ARHGAP20: variants seen among roughly 807,000 people sequenced by gnomAD.
ARHGAP20 encodes the protein rho GTPase-activating protein 20.
ARHGAP20 carries 34 observed loss-of-function variants against 73.7 expected under a neutral mutation model. The ratio of observed to expected loss-of-function variants is 0.46; its 90% CI spans 0.35 to 0.61. The LOEUF is 0.61. Ranked by LOEUF, ARHGAP20 falls within the 20% of genes least tolerant of loss-of-function variation. The pLI, the probability that ARHGAP20 is intolerant of heterozygous loss-of-function variation, is 0.00. For missense variants in ARHGAP20, 1,314 were observed against 1,420.9 expected (o/e 0.92, Z 1.21); for synonymous variants, 523 against 518.2 (o/e 1.01, Z -0.13).
At chr11:110,662,649 T>C (rs1404249390) in intron 2 of ARHGAP20, among the ~76,000 whole-genome samples, 4 of 151,922 alleles carry the variant, frequency 2.6e-5, no homozygotes, top group Non-Finnish European at 5.9e-5. Context: ...ATTTTCAGCA[T>C]AAAAGAAACG....
At chr11:110,674,964 GA>G in intron 2 of ARHGAP20, among the ~76,000 whole-genome samples, 1 of 152,138 alleles carries the variant, frequency 6.6e-6, no homozygotes, top group Non-Finnish European at 1.5e-5. Context: ...TACATGTACA[GA>G]ACGTGCAGTT....
chr11:110,589,835 A>ATTTTACT lies in ARHGAP20; in HGVS notation c.1305+812_1305+813insAGTAAAA, dbSNP rs1947775881. On this transcript the variant is annotated intron_variant, in intron 11 of 14. Transcript: ENST00000683387. The stretch of plus-strand genomic sequence containing the variant: ...TTACTCCACTTTTAAAGTAAAAGGC[A>ATTTTACT]TTAGGCTGGGTGCGGTGGCTCACGC... The ATTTTACT allele has an allele frequency of 1.1e-5, 7 of 611,342 alleles. No individual in the cohort carries two copies. The South Asian group carries it at 4.3e-4, about 38-fold the overall frequency. 37.9% of individuals were successfully genotyped at this position (611,342 alleles called of 1,614,324 possible).
chr11:110,664,665 T>C (rs1949684379), intron 2 of ARHGAP20, among the ~76,000 whole-genome samples: 1 of 149,048 alleles, frequency 6.7e-6, no homozygotes, highest in Non-Finnish European at 1.5e-5. Context: ...GAGGCGGAGC[T>C]TCCAGTGAGC....
rs1018391178 is a variant in ARHGAP20 at position 110,712,275 on chromosome 11, C to A, written c.-44G>T. The A allele has an allele frequency of 1.7e-5, 21 of 1,270,206 alleles. No homozygotes were observed. The African/African-American group carries it at 2.6e-4, about 16-fold the overall frequency. The allele number at this position is 1,270,206 out of a possible 1,614,324, so 78.7% of individuals were successfully genotyped here. On this transcript the variant is annotated 5_prime_UTR_variant, in exon 1 of 15. Coordinates refer to ENST00000683387, the MANE Select transcript of ARHGAP20 (RefSeq NM_001384657.1). Reference sequence around the variant, plus strand: ...AATCCCAGCCCAGGAGGAGGCTACACGATCATGTCCGCGGGCTGCCGGCCG... The same window carrying A: ...AATCCCAGCCCAGGAGGAGGCTACAAGATCATGTCCGCGGGCTGCCGGCCG...
intron 2 of ARHGAP20, among the ~76,000 whole-genome samples, chr11:110,687,618 C>G (rs1950162073): frequency 6.6e-6 from 1 of 152,008 alleles, no homozygotes; most frequent in African/African-American, 2.4e-5. Context: ...TCTATTAAAC[C>G]CAATGACCCT....
At chr11:110,592,510 C>A (rs1272811153) in intron 9 of ARHGAP20, among the ~76,000 whole-genome samples, 1 of 152,004 alleles carries the variant, frequency 6.6e-6, no homozygotes, top group East Asian at 1.9e-4. Flanking sequence ...CATTTATTTT[C>A]CCATTTTAAA....
chr11:110,695,793 C>T (rs941052676), intron 1 of ARHGAP20, among the ~76,000 whole-genome samples: 2 of 151,498 alleles, frequency 1.3e-5, no homozygotes, highest in African/African-American at 4.8e-5. Context: ...AGTTACCATA[C>T]GATCCTGCAA....
chr11:110,602,333 G>A (rs1390297619), intron 9 of ARHGAP20, among the ~76,000 whole-genome samples: 1 of 152,094 alleles, frequency 6.6e-6, no homozygotes, highest in African/African-American at 2.4e-5. Context: ...TGGAACTAAT[G>A]GCAAAGTATT....
chr11:110,609,043 T>C lies in ARHGAP20; in HGVS notation c.716A>G (p.Glu239Gly). 1 of 1,613,286 alleles carries C rather than the reference T, an allele frequency of 6.2e-7. No homozygotes were observed. Among genetic ancestry groups the C allele is most frequent in the Middle Eastern group, 1.7e-4 (1 of 6,058 alleles). ...ATTGACCCACAACTGGTAATCTCTC[T>C]CAGAGCCCTTAGAGATAAAAGAGTT... Reference protein sequence around the residue: ...SLPMLGITGSERDYQLWVNSG... With the variant: ...SLPMLGITGSGRDYQLWVNSG... Residue 239 changes from glutamate (E) to glycine (G), a missense_variant, in exon 8 of 15, where the codon GAG becomes GGG. Transcript: ENST00000683387.
chr11:110,678,593 T>C (rs1201316594), intron 2 of ARHGAP20, among the ~76,000 whole-genome samples: 1 of 152,236 alleles, frequency 6.6e-6, no homozygotes, highest in Non-Finnish European at 1.5e-5. Flanking sequence ...ACTCTATTGA[T>C]TTATTGCTGC....
In ARHGAP20 at chr11:110,593,050, G is replaced by C. The variant is rs895354910; in HGVS notation, c.965-895C>G. On this transcript the variant is annotated intron_variant, in intron 9 of 14. Transcript: ENST00000683387. Reference sequence around the variant, plus strand: ...ATCACATCTGGTCAATAAGATGGAGGGGGTGATCTTGGGGGTGTTTGCATT... The same window carrying C: ...ATCACATCTGGTCAATAAGATGGAGCGGGTGATCTTGGGGGTGTTTGCATT... 3.3e-5 allele frequency among the ~76,000 whole-genome samples: 5 copies of C among 152,028 alleles called. No homozygotes were observed. In the East Asian group the frequency reaches 9.6e-4, roughly 29 times the overall value.
intron 2 of ARHGAP20, among the ~76,000 whole-genome samples, chr11:110,676,523 A>T (rs68062202): frequency 0.053 from 8,012 of 152,262 alleles, 249 homozygotes; most frequent in Middle Eastern, 0.095. Flanking sequence ...ATTCACTATC[A>T]TGATGGTAAC....
At chr11:110,622,382 C>T (rs1948648008) in intron 4 of ARHGAP20, among the ~76,000 whole-genome samples, 1 of 152,150 alleles carries the variant, frequency 6.6e-6, no homozygotes, top group Non-Finnish European at 1.5e-5. Context: ...GTAAAAGTTA[C>T]AAAGATAATA....
At chr11:110,696,085 G>T (rs1387865122) in intron 1 of ARHGAP20, among the ~76,000 whole-genome samples, 1 of 151,584 alleles carries the variant, frequency 6.6e-6, no homozygotes, top group Non-Finnish European at 1.5e-5. Flanking sequence ...TATATTATAT[G>T]ATTTCATTTA....
chr11:110,579,512 G>A lies in ARHGAP20; in HGVS notation c.3434C>T (p.Pro1145Leu), dbSNP rs754568735. The A allele has an allele frequency of 6.8e-6, 11 of 1,614,144 alleles. No homozygotes were observed. In the South Asian group the frequency reaches 1.1e-4, roughly 16 times the overall value. The change falls in exon 15 of 15, where the codon CCT (proline) becomes CTT (leucine). Residue 1145 changes from proline to leucine, a missense_variant. Physicochemically the swap from Pro to Leu is moderately conservative, Grantham distance 98. Around this residue, in one of 3 missense-constraint regions of ARHGAP20, gnomAD observed 641 missense variants for 636.9 expected, o/e 1.01. Coordinates refer to ENST00000683387, the MANE Select transcript of ARHGAP20 (RefSeq NM_001384657.1). ...AGAACCAGAAGAGCTCTGACTACCA[G>A]GCTCTATTTCCTCATGTGACTTCAT... ...LCMKSHEEIE[P>L]GSQSSSGSLP...
chr11:110,663,798 A>C (rs1949665737), intron 2 of ARHGAP20, among the ~76,000 whole-genome samples: 2 of 152,168 alleles, frequency 1.3e-5, no homozygotes, highest in South Asian at 4.1e-4. Context: ...ATTATACCAA[A>C]AGAAAAGTGC....
chr11:110,709,813 G>A (rs1446470645), intron 1 of ARHGAP20, among the ~76,000 whole-genome samples: 1 of 152,206 alleles, frequency 6.6e-6, no homozygotes. Context: ...AAAAGCCACT[G>A]CAGGATTTTA....
At chr11:110,685,927 G>T (rs1950123647) in intron 2 of ARHGAP20, among the ~76,000 whole-genome samples, 1 of 151,620 alleles carries the variant, frequency 6.6e-6, no homozygotes, top group African/African-American at 2.4e-5. Flanking sequence ...CGATTTTGGG[G>T]GAAGGCTACG....
At chr11:110,685,836 C>T (rs1340931739) in intron 2 of ARHGAP20, among the ~76,000 whole-genome samples, 1 of 152,110 alleles carries the variant, frequency 6.6e-6, no homozygotes, top group Admixed American at 6.6e-5. Context: ...AAATAAAACA[C>T]TATTTCTTTG....
Sources: gnomAD v4.1 joint callset for allele counts (sites outside exome capture counted in the v4.1 genomes callset) on GRCh38, gnomAD v4.1.1 for gene constraint, gnomAD v4.1.1 regional missense constraint, MANE v1.5 for transcripts, NCBI Gene and HGNC (gene_info 2026-07-23, HGNC 2026-07-21) for gene names.